CADPS2: variants seen among roughly 807,000 people sequenced by gnomAD.
CADPS2 encodes calcium dependent secretion activator 2.
Under a neutral mutation model 172.5 loss-of-function variants are expected in CADPS2, and 93 were observed. That is an observed-to-expected ratio of 0.54 (90% CI 0.46 to 0.64). The LOEUF (loss-of-function observed/expected upper bound fraction) is 0.64, where lower values mean the gene tolerates loss of function less well. Ranked by LOEUF, CADPS2 falls within the 30% of genes least tolerant of loss-of-function variation. The pLI is 0.00. For synonymous variants in CADPS2, 546 were observed against 555.2 expected, an observed-to-expected ratio of 0.98 and a Z score of 0.23; for missense variants, 1,420 against 1,565.9, an observed-to-expected ratio of 0.91 and a Z score of 1.57.
At chr7:122,443,525 T>G (rs1247463413) in intron 15 of CADPS2, among the ~76,000 whole-genome samples, 1 of 151,952 alleles carries the variant, frequency 6.6e-6, no homozygotes. Flanking sequence ...ATTGCACAGA[T>G]AAATAAACCA....
intron 1 of CADPS2, among the ~76,000 whole-genome samples, chr7:122,761,401 T>TTCA (rs35103663): frequency 0.22 from 33,506 of 151,932 alleles, 3,969 homozygotes; most frequent in Middle Eastern, 0.31. Context: ...CACAAAGTAA[T>TTCA]GCCAGATCAC....
chr7:122,610,467 G>A (rs1034725729), intron 6 of CADPS2, among the ~76,000 whole-genome samples: 1 of 151,872 alleles, frequency 6.6e-6, no homozygotes, highest in Non-Finnish European at 1.5e-5. Flanking sequence ...ACTACATATT[G>A]CATGATTCCA....
rs1163039605 is a variant in CADPS2 at position 122,761,996 on chromosome 7, CAAA to C, written c.340-24931_340-24929del. Among the ~76,000 whole-genome samples the C allele has an allele frequency of 6.0e-3, 403 of 67,412 alleles. 2 individuals carry two copies. The highest frequency in any genetic ancestry group is 0.015 in the South Asian group (25 of 1,692). 44.2% of individuals were successfully genotyped at this position (67,412 alleles called of 152,430 possible). A position where few individuals can be genotyped will look rare whatever the true frequency, so the allele number is the denominator to read the frequency against. On this transcript the variant is annotated intron_variant, in intron 1 of 29. Transcript: ENST00000449022. ...CTGGGTGAAAAGTGAGACTCTGCCT[CAAA>C]AAAAAAAAAAAAAAATATATATATA...
intron 3 of CADPS2, among the ~76,000 whole-genome samples, chr7:122,647,342 CAG>C (rs925843233): frequency 6.6e-6 from 1 of 152,068 alleles, no homozygotes; most frequent in Non-Finnish European, 1.5e-5. Context: ...ACCATGTATA[CAG>C]AGAGTACACA....
intron 27 of CADPS2, among the ~76,000 whole-genome samples, chr7:122,357,092 T>C (rs1202588187): frequency 6.6e-6 from 1 of 152,174 alleles, no homozygotes; most frequent in African/African-American, 2.4e-5. Flanking sequence ...ACCAGCTCTA[T>C]CTGTACTAAG....
chr7:122,850,345 G>GC, intron 1 of CADPS2: 1 of 412,308 alleles, frequency 2.4e-6, no homozygotes, highest in Non-Finnish European at 4.4e-6. Context: ...CAGCCCTGCT[G>GC]TGTCAGATCA....
chr7:122,371,061 G>A (rs751054822), intron 25 of CADPS2, among the ~76,000 whole-genome samples: 7 of 152,174 alleles, frequency 4.6e-5, no homozygotes, highest in Non-Finnish European at 8.8e-5. Context: ...GGAATACAGT[G>A]TTCCCCAAAT....
At chr7:122,711,813 C>A (rs188019213) in intron 2 of CADPS2, among the ~76,000 whole-genome samples, 1 of 151,880 alleles carries the variant, frequency 6.6e-6, no homozygotes, top group Non-Finnish European at 1.5e-5. Flanking sequence ...CCACCACACC[C>A]GGCTAATTTT....
Position 122,829,533 on chromosome 7 carries a change from A to G in CADPS2, c.339+56466T>C, listed in dbSNP as rs541092232. On this transcript the variant is annotated intron_variant, in intron 1 of 29. Transcript: ENST00000449022. ...ATCAACTTTTATTTATCCTATGGAA[A>G]AAAAGGTAAATGTTAAACTAAATTT... Among the ~76,000 whole-genome samples, 94 of 152,326 alleles carry G rather than the reference A, an allele frequency of 6.2e-4. 1 individual carries two copies. The highest frequency in any genetic ancestry group is 1.1e-3 in the Non-Finnish European group (77 of 68,026).
rs548229950 is a variant in CADPS2, at chr7:122,711,731, C to A, written c.453+25224G>T. On this transcript the variant is annotated intron_variant, in intron 2 of 29. Transcript: ENST00000449022. Reference sequence around the variant, plus strand: ...ACAGTAGCGTGATCTTGGCTCACTGCAACCTCTGCCTCCAGGGTTCAAGCG... The same window carrying A: ...ACAGTAGCGTGATCTTGGCTCACTGAAACCTCTGCCTCCAGGGTTCAAGCG... Among the ~76,000 whole-genome samples, 3 of 152,268 alleles carry A rather than the reference C, an allele frequency of 2.0e-5. No homozygotes were observed. The East Asian group carries it at 5.8e-4, about 29-fold the overall frequency.
At chr7:122,642,712 T>C (rs1290367884) in intron 3 of CADPS2, among the ~76,000 whole-genome samples, 2 of 152,182 alleles carry the variant, frequency 1.3e-5, no homozygotes, top group Non-Finnish European at 2.9e-5. Flanking sequence ...CTCTCTAATA[T>C]ATCTGTTCTC....
intron 2 of CADPS2, chr7:122,698,611 G>C: frequency 6.2e-7 from 1 of 1,613,994 alleles, no homozygotes. Flanking sequence ...TTCAATAAGT[G>C]CAAGCCAGGT....
intron 28 of CADPS2, among the ~76,000 whole-genome samples, chr7:122,344,246 T>C (rs1413791816): frequency 6.6e-6 from 1 of 152,196 alleles, no homozygotes; most frequent in Non-Finnish European, 1.5e-5. Flanking sequence ...CAGAAAAGCA[T>C]TTCTAAAATG....
chr7:122,436,647 T>C (rs2050679833), intron 17 of CADPS2, among the ~76,000 whole-genome samples: 1 of 151,978 alleles, frequency 6.6e-6, no homozygotes, highest in South Asian at 2.1e-4. Context: ...CCTACCACAG[T>C]GGGTTGCTAG....
At chr7:122,476,979 G>A (rs181258122) in intron 12 of CADPS2, among the ~76,000 whole-genome samples, 2,811 of 136,480 alleles carry the variant, frequency 0.021, 119 homozygotes, top group African/African-American at 0.075. Flanking sequence ...GTGGCGGGAA[G>A]GGGGGCGGGA....
intron 14 of CADPS2, among the ~76,000 whole-genome samples, chr7:122,458,230 C>T (rs2054021539): frequency 6.6e-6 from 1 of 152,182 alleles, no homozygotes; most frequent in African/African-American, 2.4e-5. Context: ...TCACTTTGCA[C>T]TTCGTGTATT....
Position 122,886,109 on chromosome 7 carries a change from C to T in CADPS2, c.229G>A (p.Asp77Asn), listed in dbSNP as rs781569378. The stretch of plus-strand genomic sequence containing the variant: ...AGGCGGATCCTCCGCTCCTGCTCAT[C>T]GTCCAGCTGCCGCTGGGGCTCGTCT... ...GRDEPQRQLD[D>N]EQERRIRLQL... The change falls in exon 1 of 30, where the codon GAT becomes AAT. Residue 77 changes from aspartate to asparagine, a missense_variant. Physicochemically the swap from Asp to Asn is conservative, Grantham distance 23 (BLOSUM62 1). Coordinates refer to ENST00000449022, the MANE Select transcript of CADPS2 (RefSeq NM_017954.11). 1.7e-5 allele frequency: 26 copies of T among 1,568,756 alleles called. 1 individual carries two copies. The highest frequency in any genetic ancestry group is 3.7e-4 in the Middle Eastern group (2 of 5,384).
At chr7:122,697,876 T>A in intron 2 of CADPS2, 1 of 1,613,582 alleles carries the variant, frequency 6.2e-7, no homozygotes, top group African/African-American at 1.3e-5. Flanking sequence ...ATGGATTACT[T>A]TATCTGAGGT....
intron 12 of CADPS2, among the ~76,000 whole-genome samples, chr7:122,477,792 CA>C (rs2056875255): frequency 6.6e-6 from 1 of 151,974 alleles, no homozygotes; most frequent in South Asian, 2.1e-4. Flanking sequence ...TTTTTTGTGA[CA>C]GGGAAGCTAA....
Sources: allele counts gnomAD v4.1 joint callset (sites outside exome capture counted in the v4.1 genomes callset), GRCh38; gene constraint gnomAD v4.1.1; transcripts MANE v1.5; gene names NCBI Gene and HGNC (gene_info 2026-07-23, HGNC 2026-07-21).